Variants in PLEKHG1 observed in about 807,000 individuals in gnomAD.
The protein encoded by PLEKHG1 is pleckstrin homology domain-containing family G member 1.
Under a neutral mutation model 100.8 loss-of-function variants are expected in PLEKHG1, and 44 were observed. That is an observed-to-expected ratio of 0.44 (90% CI 0.34 to 0.56). The LOEUF (loss-of-function observed/expected upper bound fraction) is 0.56. Among genes scored for constraint, PLEKHG1 ranks in the 20% least tolerant of loss-of-function variants. The pLI, the probability that PLEKHG1 is intolerant of heterozygous loss-of-function variation, is 0.01. For synonymous variants in PLEKHG1, 640 were observed against 662.5 expected (o/e 0.97, Z 0.52); for missense variants, 1,545 against 1,720.9 (o/e 0.90, Z 1.81).
chr6:150,790,945 C>T (rs1785937033), intron 4 of PLEKHG1, among the ~76,000 whole-genome samples: 1 of 152,144 alleles, frequency 6.6e-6, no homozygotes, highest in Non-Finnish European at 1.5e-5. Flanking sequence ...ATCACTTGAA[C>T]CCAGGAGGTG....
At chr6:150,823,904 ATTAT>A (rs1776443999) in intron 14 of PLEKHG1, among the ~76,000 whole-genome samples, 1 of 152,160 alleles carries the variant, frequency 6.6e-6, no homozygotes, top group Non-Finnish European at 1.5e-5. Context: ...AACCATGGTG[ATTAT>A]TTATTCATCC....
chr6:150,813,314 A>AC (rs1472259232), intron 10 of PLEKHG1, among the ~76,000 whole-genome samples: 6 of 151,674 alleles, frequency 4.0e-5, no homozygotes, highest in Middle Eastern at 3.4e-3. Flanking sequence ...CAAAAAAAAA[A>AC]AAAAACAAAA....
At chr6:150,635,781 A>C (rs1162515825) in intron 1 of PLEKHG1, among the ~76,000 whole-genome samples, 2 of 152,176 alleles carry the variant, frequency 1.3e-5, no homozygotes, top group South Asian at 2.1e-4. Context: ...ATGTTTTTAA[A>C]ACACTGTGTA....
intron 15 of PLEKHG1, among the ~76,000 whole-genome samples, chr6:150,836,683 C>T (rs985703435): frequency 6.6e-6 from 1 of 151,906 alleles, no homozygotes; most frequent in African/African-American, 2.4e-5. Context: ...AATTTCCAGG[C>T]ACAGTGGCTC....
chr6:150,813,284 G>A (rs1340203612), intron 10 of PLEKHG1, among the ~76,000 whole-genome samples: 2 of 137,300 alleles, frequency 1.5e-5, no homozygotes, highest in Admixed American at 8.0e-5. Flanking sequence ...CGGCCTGGGC[G>A]ACAGAGTGAG....
chr6:150,808,677 G>A lies in PLEKHG1; in HGVS notation c.913-428G>A, dbSNP rs533586906. Reference sequence around the variant, plus strand: ...CTGAGGCAGGAGGATCGCTTGAACCGGGAGGTGGAGGTTGCAGTGAGCCCT... The same window carrying A: ...CTGAGGCAGGAGGATCGCTTGAACCAGGAGGTGGAGGTTGCAGTGAGCCCT... On this transcript the variant is annotated intron_variant, in intron 7 of 15. Coordinates refer to ENST00000358517, the Ensembl canonical transcript of PLEKHG1. Among the ~76,000 whole-genome samples, 31 of 152,200 alleles carry A rather than the reference G, an allele frequency of 2.0e-4. 2 individuals are homozygous for A. The South Asian group carries it at 4.1e-3, about 20-fold the overall frequency.
At chr6:150,663,036 A>C (rs6937624) in intron 3 of PLEKHG1, 57,057 of 141,528 alleles carry the variant, frequency 0.4, 11,005 homozygotes, top group South Asian at 0.64. Flanking sequence ...GTTGACATGA[A>C]ATGCTGACCT....
chr6:150,764,959 T>TTA (rs1554269782), intron 2 of PLEKHG1, among the ~76,000 whole-genome samples: 5 of 151,960 alleles, frequency 3.3e-5, no homozygotes, highest in Non-Finnish European at 7.4e-5. Flanking sequence ...CATTTTTTTT[T>TTA]AATTCTTATC....
At chr6:150,615,792 T>C (rs1777052396) in intron 1 of PLEKHG1, among the ~76,000 whole-genome samples, 1 of 152,216 alleles carries the variant, frequency 6.6e-6, no homozygotes, top group South Asian at 2.1e-4. Context: ...CCCATTGGCC[T>C]CCTGCCTTGC....
intron 2 of PLEKHG1, among the ~76,000 whole-genome samples, chr6:150,742,838 C>T (rs1191298861): frequency 6.6e-6 from 1 of 152,174 alleles, no homozygotes; most frequent in Non-Finnish European, 1.5e-5. Context: ...TGCAAGTGTT[C>T]AGGTGAGGAG....
intron 4 of PLEKHG1, 81 bp from the exon 6 acceptor site, chr6:150,795,775 G>A: frequency 1.3e-6 from 1 of 789,084 alleles, no homozygotes; most frequent in Non-Finnish European, 2.2e-6. Context: ...AGGCCCGAAT[G>A]CTATTTCTTT....
chr6:150,755,568 G>C (rs1446857088), intron 2 of PLEKHG1, among the ~76,000 whole-genome samples: 1 of 152,190 alleles, frequency 6.6e-6, no homozygotes, highest in African/African-American at 2.4e-5. Context: ...CATGTGTGCT[G>C]AGCTGCCTTG....
chr6:150,831,490 T>C lies in PLEKHG1; in HGVS notation c.2379T>C (p.Ser793=). 1.2e-6 allele frequency: 2 copies of C among 1,614,174 alleles called. No individual in the cohort carries two copies. Among genetic ancestry groups the C allele is most frequent in the Non-Finnish European group, 1.7e-6 (2 of 1,180,010 alleles). Residue 793 remains serine, a synonymous_variant, in exon 15 of 16, where the codon AGT becomes AGC. Transcript: ENST00000358517. The surrounding 1 kb of genome is among the most constrained non-coding windows in gnomAD (Gnocchi z 4.1). The stretch of plus-strand genomic sequence containing the variant: ...TTTCCCAAGACAGCCTCCAGCTCAG[T>C]GAGGACGAAGCCCCTTACCATCAGG...
At chr6:150,719,009 C>G (rs1874097), upstream of PLEKHG1, among the ~76,000 whole-genome samples, 136,777 of 152,246 alleles carry the variant, frequency 0.9, 61,531 homozygotes, top group East Asian at 0.91. Context: ...AGTTTAGGTG[C>G]TTTCACTTAT....
At chr6:150,840,311 A>C (rs1777457478) in exon 16 of PLEKHG1, 1 of 1,614,064 alleles carries the variant, frequency 6.2e-7, no homozygotes, top group Non-Finnish European at 8.5e-7. Context: ...TGATCAACAA[A>C]TCAATGGATT....
At chr6:150,606,318 T>G (rs900864079) in intron 1 of PLEKHG1, among the ~76,000 whole-genome samples, 1 of 152,208 alleles carries the variant, frequency 6.6e-6, no homozygotes, top group African/African-American at 2.4e-5. Flanking sequence ...ACAAAGGCAT[T>G]AGCTCCAGCC....
At chr6:150,840,353 G>A in exon 16 of PLEKHG1, 1 of 1,614,194 alleles carries the variant, frequency 6.2e-7, no homozygotes, top group Non-Finnish European at 8.5e-7. Flanking sequence ...TGGGAAAGCA[G>A]CAGCTGCTGT....
At chr6:150,721,672 G>A (rs989978297) in intron 1 of PLEKHG1, among the ~76,000 whole-genome samples, 1 of 152,130 alleles carries the variant, frequency 6.6e-6, no homozygotes, top group Non-Finnish European at 1.5e-5. Context: ...ATGAAGTTTA[G>A]TCTGAGTCTA....
chr6:150,673,609 CCTGT>C (rs1258191089), intron 3 of PLEKHG1, among the ~76,000 whole-genome samples: 2 of 151,664 alleles, frequency 1.3e-5, no homozygotes, highest in Admixed American at 6.6e-5. Context: ...CCTCTCTCTT[CCTGT>C]CTTTCTTTCC....
Sources: gnomAD v4.1 joint callset for allele counts (sites outside exome capture counted in the v4.1 genomes callset) on GRCh38, gnomAD v4.1.1 for gene constraint, Gnocchi (gnomAD v3.1) non-coding constraint, MANE v1.5 for transcripts, NCBI Gene and HGNC (gene_info 2026-07-23, HGNC 2026-07-21) for gene names.